The following XRCC2 variants were observed in gnomAD, a reference collection of about 807,000 sequenced individuals.
The protein encoded by XRCC2 is X-ray repair cross complementing 2.
A neutral mutation model predicts 27.3 loss-of-function variants in XRCC2; 24 were observed. The ratio of observed to expected loss-of-function variants is 0.88; its 90% CI spans 0.64 to 1.24. XRCC2 has a LOEUF of 1.24. Ranked by LOEUF, XRCC2 falls within the 50% of genes most tolerant of loss-of-function variation. The pLI, the probability that XRCC2 is intolerant of heterozygous loss-of-function variation, is 0.00. For missense variants in XRCC2, 321 were observed against 325.8 expected, an observed-to-expected ratio of 0.99 and a Z score of 0.11; for synonymous variants, 106 against 115.4, an observed-to-expected ratio of 0.92 and a Z score of 0.52.
intron 2 of XRCC2, among the ~76,000 whole-genome samples, chr7:152,653,835 G>A (rs1240730844): frequency 6.6e-6 from 1 of 152,044 alleles, no homozygotes; most frequent in Non-Finnish European, 1.5e-5. Flanking sequence ...AAATGGTATG[G>A]GTTTTTTAAA....
chr7:152,658,334 T>A (rs1204299515), intron 2 of XRCC2, among the ~76,000 whole-genome samples: 1 of 152,108 alleles, frequency 6.6e-6, no homozygotes, highest in Non-Finnish European at 1.5e-5. Context: ...CTATTTTTAG[T>A]AGAGACGGGG....
Position 152,665,624 on chromosome 7 carries a change from C to T in XRCC2, c.40-4842G>A, listed in dbSNP as rs202185939. ...GCCTCCCAAGTAGCTGGACTACAGG[C>T]TCGTGCCACTATGTCCAGCTAATTT... is the stretch of plus-strand genomic sequence containing the variant. On this transcript the variant is annotated intron_variant, in intron 1 of 2. Transcript: ENST00000359321. 2.6e-5 allele frequency among the ~76,000 whole-genome samples: 4 copies of T among 150,984 alleles called. No individual in the cohort carries two copies. The East Asian group carries it at 8.0e-4, about 30-fold the overall frequency.
intron 1 of XRCC2, among the ~76,000 whole-genome samples, chr7:152,675,333 A>G (rs1204498304): frequency 6.6e-6 from 1 of 152,158 alleles, no homozygotes; most frequent in Non-Finnish European, 1.5e-5. Context: ...CTAATGGACA[A>G]CAAACTTTTG....
In XRCC2 at chr7:152,650,870, G is replaced by A. The variant is rs569418087; in HGVS notation, c.122-1507C>T. On this transcript the variant is annotated intron_variant, in intron 2 of 2. Coordinates refer to ENST00000359321, the MANE Select transcript of XRCC2 (RefSeq NM_005431.2). ...CATTGGACTCCAGCCTGGGCGACAAGAGCGAAACTCCGTCTCAAAAAACAA... is the reference window on the plus strand; with the variant it reads ...CATTGGACTCCAGCCTGGGCGACAAAAGCGAAACTCCGTCTCAAAAAACAA... Among the ~76,000 whole-genome samples the A allele has an allele frequency of 3.3e-4, 50 of 152,250 alleles. 1 individual carries two copies. In the South Asian group the frequency reaches 5.8e-3, roughly 18 times the overall value.
intron 2 of XRCC2, among the ~76,000 whole-genome samples, chr7:152,659,940 A>G (rs981694152): frequency 6.6e-6 from 1 of 151,356 alleles, no homozygotes; most frequent in African/African-American, 2.4e-5. Context: ...ACACTCATGC[A>G]ATGAAATATT....
intron 2 of XRCC2, among the ~76,000 whole-genome samples, chr7:152,658,753 C>T (rs1231758859): frequency 6.6e-6 from 1 of 152,190 alleles, no homozygotes; most frequent in African/African-American, 2.4e-5. Context: ...TAGCACGTGA[C>T]AGAATTCTCT....
chr7:152,664,372 A>G lies in XRCC2; in HGVS notation c.40-3590T>C, dbSNP rs908042392. ...GTAAAGCATTATTTCTGGGTGTGTC[A>G]TGAGGGTGTTTCTGGAGGACACGAG... On this transcript the variant is annotated intron_variant, in intron 1 of 2. Transcript: ENST00000359321. Among the ~76,000 whole-genome samples the G allele has an allele frequency of 2.6e-5, 4 of 152,184 alleles. 1 individual carries two copies. In the South Asian group the frequency reaches 8.3e-4, roughly 31 times the overall value.
At position 152,660,731 on chromosome 7, in the gene XRCC2, G is replaced by A; in HGVS notation, c.91C>T (p.Leu31=). 1 of 1,613,524 alleles carries A rather than the reference G, an allele frequency of 6.2e-7. No individual in the cohort carries two copies. The highest frequency in any genetic ancestry group is 2.2e-5 in the East Asian group (1 of 44,864). The change falls in exon 2 of 3, where the codon CTG becomes TTG. Residue 31 remains leucine (L), a synonymous_variant. Transcript: ENST00000359321. ...RSSLKEIEPN[L]FADEDSPVHG... The stretch of plus-strand genomic sequence containing the variant: ...ACAGGTGAATCTTCATCAGCAAACA[G>A]ATTTGGTTCTATTTCTTTCAAGGAA...
At position 152,676,112 on chromosome 7, in the gene XRCC2, C is replaced by T; in HGVS notation, c.-33G>A. The stretch of plus-strand genomic sequence containing the variant: ...AAGGCTCGGCGCAGGAGAGACTCAA[C>T]TTTCCCGCCACCAACGCCATTCACC... On this transcript the variant is annotated 5_prime_UTR_variant, in exon 1 of 3. Coordinates refer to ENST00000359321, the MANE Select transcript of XRCC2 (RefSeq NM_005431.2). 6.2e-7 allele frequency: 1 copy of T among 1,613,576 alleles called. No homozygotes were observed. Among genetic ancestry groups the T allele is most frequent in the Non-Finnish European group, 8.5e-7 (1 of 1,179,750 alleles).
intron 1 of XRCC2, among the ~76,000 whole-genome samples, chr7:152,671,692 T>G (rs2098038257): frequency 6.6e-6 from 1 of 152,128 alleles, no homozygotes. Context: ...AGTGAGAAAG[T>G]GAATTACTAG....
intron 2 of XRCC2, among the ~76,000 whole-genome samples, chr7:152,657,419 C>G (rs1014638751): frequency 1.3e-5 from 2 of 151,654 alleles, no homozygotes; most frequent in African/African-American, 4.8e-5. Flanking sequence ...CCTGTCTCAG[C>G]CCCCCGAGTA....
At chr7:152,654,107 A>C (rs1037004533) in intron 2 of XRCC2, among the ~76,000 whole-genome samples, 4 of 150,374 alleles carry the variant, frequency 2.7e-5, no homozygotes, top group African/African-American at 9.8e-5. Flanking sequence ...GAGGCAGGAG[A>C]ACTGCTTGAA....
At chr7:152,658,012 C>T (rs868444896) in intron 2 of XRCC2, among the ~76,000 whole-genome samples, 5 of 149,530 alleles carry the variant, frequency 3.3e-5, no homozygotes, top group Admixed American at 3.3e-4. Flanking sequence ...GTCACCCAGG[C>T]TGGAGTGAAG....
chr7:152,666,453 T>C (rs2098035707), intron 1 of XRCC2, among the ~76,000 whole-genome samples: 1 of 151,798 alleles, frequency 6.6e-6, no homozygotes, highest in Admixed American at 6.6e-5. Context: ...CTCAAGCAGT[T>C]CTCCCACCTT....
rs3218562 is a variant in XRCC2 at position 152,645,603 on chromosome 7, C to A, written c.*3039G>T. 1 of 152,002 alleles carries A rather than the reference C, an allele frequency of 6.6e-6. No homozygotes were observed. Among genetic ancestry groups the A allele is most frequent in the South Asian group, 2.1e-4 (1 of 4,824 alleles). The allele number at this position is 152,002 out of a possible 1,614,324, so 9.4% of individuals were successfully genotyped here. A position where few individuals can be genotyped will look rare whatever the true frequency, so the allele number is the denominator to read the frequency against. Reference sequence around the variant, plus strand: ...CATATGCCTTTTTTTCATGCTTTTTCATTTTCCTTGCTTTACTGTGTTGAC... The same window carrying A: ...CATATGCCTTTTTTTCATGCTTTTTAATTTTCCTTGCTTTACTGTGTTGAC... On this transcript the variant is annotated 3_prime_UTR_variant, in exon 3 of 3. Transcript: ENST00000359321.
chr7:152,675,602 G>A (rs374209121), intron 1 of XRCC2, among the ~76,000 whole-genome samples: 7 of 152,092 alleles, frequency 4.6e-5, no homozygotes, highest in African/African-American at 1.7e-4. Context: ...GGCAACCTCC[G>A]CAAACACCAC....
rs1007702139 is a variant in XRCC2 at position 152,663,350 on chromosome 7, A to T, written c.40-2568T>A. On this transcript the variant is annotated intron_variant, in intron 1 of 2. Coordinates refer to ENST00000359321, the MANE Select transcript of XRCC2 (RefSeq NM_005431.2). ...TACGTAAGAATGTCTTTGAAGTAAA[A>T]AAAAAAAAAAAAAAAAAAAAAAAGA... is the stretch of plus-strand genomic sequence containing the variant. Among the ~76,000 whole-genome samples, 24 of 85,268 alleles carry T rather than the reference A, an allele frequency of 2.8e-4. 1 individual carries two copies. Among genetic ancestry groups the T allele is most frequent in the Admixed American group, 1.6e-3 (16 of 9,950 alleles). The allele number at this position is 85,268 out of a possible 152,430, so 55.9% of individuals were successfully genotyped here.
chr7:152,662,928 A>G (rs2098033937), intron 1 of XRCC2, among the ~76,000 whole-genome samples: 2 of 152,128 alleles, frequency 1.3e-5, no homozygotes, highest in South Asian at 4.1e-4. Context: ...TCAAGTGATG[A>G]AAAAGTTCTA....
At chr7:152,652,494 C>T (rs1457308383) in intron 2 of XRCC2, among the ~76,000 whole-genome samples, 1 of 152,186 alleles carries the variant, frequency 6.6e-6, no homozygotes, top group African/African-American at 2.4e-5. Context: ...ACTCACCTTT[C>T]TAGAGTACTG....
Sources: gnomAD v4.1 joint callset for allele counts (sites outside exome capture counted in the v4.1 genomes callset) on GRCh38, gnomAD v4.1.1 for gene constraint, MANE v1.5 for transcripts, NCBI Gene and HGNC (gene_info 2026-07-23, HGNC 2026-07-21) for gene names.